The following TRIM14 variants were observed in gnomAD, a reference collection of about 807,000 sequenced individuals.
The protein encoded by TRIM14 is tripartite motif containing 14.
Under a neutral mutation model 44.5 loss-of-function variants are expected in TRIM14, and 28 were observed. That is an observed-to-expected ratio of 0.63 (90% CI 0.47 to 0.86). The LOEUF (loss-of-function observed/expected upper bound fraction) is 0.86, where lower values mean the gene tolerates loss of function less well. TRIM14 is among the 40% of genes least tolerant of loss of function. The pLI, the probability that TRIM14 is intolerant of heterozygous loss-of-function variation, is 0.00. For synonymous variants in TRIM14, 299 were observed against 269.2 expected (o/e 1.11, Z -1.08); for missense variants, 607 against 611.1 (o/e 0.99, Z 0.07).
chr9:98,073,966 T>C (rs1829468474), intron 6 of TRIM14, among the ~76,000 whole-genome samples: 1 of 151,892 alleles, frequency 6.6e-6, no homozygotes, highest in East Asian at 1.9e-4. Flanking sequence ...TTATATGTTT[T>C]GTAGAAACGG....
intron 6 of TRIM14, among the ~76,000 whole-genome samples, chr9:98,074,102 T>C (rs1730552215): frequency 6.6e-6 from 1 of 152,208 alleles, no homozygotes; most frequent in African/African-American, 2.4e-5. Flanking sequence ...AATAAAGTTC[T>C]GAGTCGAATA....
intron 5 of TRIM14, among the ~76,000 whole-genome samples, chr9:98,089,635 AG>A (rs1825927135): frequency 6.6e-6 from 1 of 152,338 alleles, no homozygotes; most frequent in Non-Finnish European, 1.5e-5. Flanking sequence ...TACAACATAA[AG>A]TATGCCTTCA....
the TRIM14 span, among the ~76,000 whole-genome samples, chr9:98,052,445 C>T: frequency 6.6e-6 from 1 of 152,002 alleles, no homozygotes; most frequent in Non-Finnish European, 1.5e-5. Flanking sequence ...TTTGCATATC[C>T]ACTTTTTATT....
intron 1 of TRIM14, among the ~76,000 whole-genome samples, chr9:98,112,249 T>C (rs914123577): frequency 2.6e-5 from 4 of 152,184 alleles, no homozygotes; most frequent in Admixed American, 2.6e-4. Flanking sequence ...AAAGAAACAG[T>C]TCTATTTACA....
At chr9:98,064,993 C>T (rs1171609362), downstream of TRIM14, among the ~76,000 whole-genome samples, 1 of 152,162 alleles carries the variant, frequency 6.6e-6, no homozygotes, top group East Asian at 1.9e-4. Context: ...CAGTTAATTA[C>T]TGCCCTGCAA....
chr9:98,056,062 T>C, the TRIM14 span, among the ~76,000 whole-genome samples: 86,949 of 151,880 alleles, frequency 0.57, 28,374 homozygotes, highest in African/African-American at 0.89. Context: ...TTTAAGAGCC[T>C]GGGGCTGGGA....
At chr9:98,040,033 C>T in the TRIM14 span, among the ~76,000 whole-genome samples, 2 of 152,082 alleles carry the variant, frequency 1.3e-5, no homozygotes, top group Admixed American at 6.6e-5. Flanking sequence ...TTGTAGAGAC[C>T]AGGTCTCACT....
At chr9:98,089,873 G>T (rs1474462425) in intron 5 of TRIM14, among the ~76,000 whole-genome samples, 2 of 152,176 alleles carry the variant, frequency 1.3e-5, no homozygotes, top group African/African-American at 4.8e-5. Flanking sequence ...GGCAGGAGGA[G>T]CCTGTACCTC....
intron 2 of TRIM14, 66 bp from the exon 3 acceptor site, chr9:98,100,230 T>A: frequency 2.8e-6 from 4 of 1,447,770 alleles, no homozygotes; most frequent in Admixed American, 3.5e-5. Context: ...ATAATCAACA[T>A]GAAAAAAATC....
chr9:98,103,385 A>T (rs1038481408), intron 2 of TRIM14, among the ~76,000 whole-genome samples: 2 of 152,216 alleles, frequency 1.3e-5, no homozygotes, highest in African/African-American at 4.8e-5. Context: ...TGCAAGTGCA[A>T]TTAAAATGTT....
chr9:98,053,657 A>G, the TRIM14 span, among the ~76,000 whole-genome samples: 1 of 152,138 alleles, frequency 6.6e-6, no homozygotes, highest in Non-Finnish European at 1.5e-5. Flanking sequence ...ACACACATAC[A>G]GGCCAGAAAG....
chr9:98,100,964 T>TTTTA (rs549205998), intron 2 of TRIM14, among the ~76,000 whole-genome samples: 4 of 151,828 alleles, frequency 2.6e-5, no homozygotes, highest in East Asian at 1.9e-4. Context: ...ACAAAACAAT[T>TTTTA]TTTATTTATT....
the TRIM14 span, among the ~76,000 whole-genome samples, chr9:98,040,355 T>C: frequency 3.3e-3 from 507 of 152,198 alleles, 4 homozygotes; most frequent in Non-Finnish European, 5.5e-3. Flanking sequence ...CTGATCCCCA[T>C]GGCCACTGGT....
chr9:98,080,655 A>G (rs1027096633), downstream of TRIM14, among the ~76,000 whole-genome samples: 2 of 152,256 alleles, frequency 1.3e-5, no homozygotes, highest in Admixed American at 1.3e-4. Context: ...AGGTATTATT[A>G]TCATCCCTAG....
chr9:98,083,046 C>CAAGTCTTAAAATA, downstream of TRIM14: 1 of 1,614,008 alleles, frequency 6.2e-7, no homozygotes, highest in African/African-American at 1.3e-5. Context: ...GCAAAAAAAT[C>CAAGTCTTAAAATA]AAGTCTTAAA....
At chr9:98,044,799 C>G in the TRIM14 span, among the ~76,000 whole-genome samples, 2 of 152,024 alleles carry the variant, frequency 1.3e-5, no homozygotes, top group Non-Finnish European at 2.9e-5. Flanking sequence ...GGAGAAAAAG[C>G]AATGGAGAAG....
intron 1 of TRIM14, among the ~76,000 whole-genome samples, chr9:98,111,055 C>G (rs1024249414): frequency 2.7e-5 from 4 of 150,762 alleles, no homozygotes; most frequent in South Asian, 2.1e-4. Flanking sequence ...CTGTCCCCCC[C>G]CCCAAAAAAA....
the TRIM14 span, among the ~76,000 whole-genome samples, chr9:98,037,023 G>A: frequency 4.6e-5 from 7 of 152,100 alleles, no homozygotes; most frequent in African/African-American, 1.4e-4. Flanking sequence ...TTAACTGAAG[G>A]CGCCTACACT....
At chr9:98,040,197 A>G in the TRIM14 span, among the ~76,000 whole-genome samples, 3 of 152,094 alleles carry the variant, frequency 2.0e-5, no homozygotes, top group Non-Finnish European at 2.9e-5. Context: ...GCACTTCCTC[A>G]GAACCCCTCA....
Sources: allele counts gnomAD v4.1 joint callset (sites outside exome capture counted in the v4.1 genomes callset), GRCh38; gene constraint gnomAD v4.1.1; transcripts MANE v1.5; gene names NCBI Gene and HGNC (gene_info 2026-07-23, HGNC 2026-07-21).